PTPRD: variants seen among roughly 807,000 people sequenced by gnomAD.
PTPRD encodes protein tyrosine phosphatase receptor type D.
A neutral mutation model predicts 214.5 loss-of-function variants in PTPRD; 34 were observed. The observed-to-expected ratio is 0.16, with a 90% CI of 0.12 to 0.21. The LOEUF (loss-of-function observed/expected upper bound fraction) is 0.21. PTPRD is among the 10% of genes least tolerant of loss of function. PTPRD has a pLI of 1.00. For synonymous variants in PTPRD, 1,128 were observed against 845.7 expected (o/e 1.33, Z -5.79); for missense variants, 2,545 against 2,398.7 (o/e 1.06, Z -1.27).
intron 2 of PTPRD, among the ~76,000 whole-genome samples, chr9:10,485,188 T>C (rs1369657145): frequency 2.0e-5 from 3 of 152,140 alleles, no homozygotes; most frequent in Admixed American, 6.6e-5. Context: ...TGTAAACTTC[T>C]TTCTGCATTC....
rs141102407 is a variant in PTPRD at position 8,688,514 on chromosome 9, G to A, written c.64+45266C>T. Among the ~76,000 whole-genome samples the A allele has an allele frequency of 2.2e-3, 331 of 149,480 alleles. 2 individuals carry two copies. The highest frequency in any genetic ancestry group is 0.015 in the East Asian group (74 of 5,074). On this transcript the variant is annotated intron_variant, in intron 12 of 45. Transcript: ENST00000381196. ...CAGGAGGCAGAGCTTGCAGTGAGCCGAGATCGCACCACTGCGCTCCAGCCT... is the reference window on the plus strand; with the variant it reads ...CAGGAGGCAGAGCTTGCAGTGAGCCAAGATCGCACCACTGCGCTCCAGCCT...
intron 10 of PTPRD, among the ~76,000 whole-genome samples, chr9:9,182,734 ATT>A (rs1479767954): frequency 2.6e-5 from 4 of 152,160 alleles, no homozygotes; most frequent in South Asian, 4.1e-4. Context: ...AATAGCAAAA[ATT>A]TTGTCACAAA....
chr9:9,179,363 C>T (rs987649487), intron 10 of PTPRD, among the ~76,000 whole-genome samples: 2 of 152,020 alleles, frequency 1.3e-5, no homozygotes, highest in Non-Finnish European at 2.9e-5. Context: ...TTTCCAAATG[C>T]AGACATTTTA....
chr9:9,776,098 C>T (rs554584089), intron 5 of PTPRD, among the ~76,000 whole-genome samples: 29 of 152,222 alleles, frequency 1.9e-4, no homozygotes, highest in African/African-American at 6.3e-4. Context: ...CCTTGCTCAG[C>T]AGTCTTACAT....
chr9:10,198,904 G>A (rs756662314), intron 3 of PTPRD, among the ~76,000 whole-genome samples: 27 of 152,052 alleles, frequency 1.8e-4, no homozygotes, highest in Non-Finnish European at 2.1e-4. Context: ...ATGTTAAAGA[G>A]GCTTAGGGGT....
At position 8,335,106 on chromosome 9, in the gene PTPRD, C is replaced by CAAA. The variant is rs1564031728; in HGVS notation, c.5380-3371_5380-3370insTTT. ...TGGTACCATTCCTTCTGAAACTATT[C>CAAA]CAAACAATACAAAAAGAGGGACTCC... On this transcript the variant is annotated intron_variant, in intron 43 of 45. Transcript: ENST00000381196. 1.1e-4 allele frequency among the ~76,000 whole-genome samples: 16 copies of CAAA among 149,616 alleles called. No homozygotes were observed. In the East Asian group the frequency reaches 2.1e-3, roughly 20 times the overall value.
chr9:9,525,769 A>G (rs1464107112), intron 8 of PTPRD, among the ~76,000 whole-genome samples: 1 of 152,096 alleles, frequency 6.6e-6, no homozygotes, highest in African/African-American at 2.4e-5. Flanking sequence ...TATATACCTA[A>G]TATTAGTAGG....
chr9:10,543,477 T>TACACACACACAC (rs370246328), intron 2 of PTPRD, among the ~76,000 whole-genome samples: 221 of 141,386 alleles, frequency 1.6e-3, no homozygotes, highest in African/African-American at 2.9e-3. Context: ...AATATATATA[T>TACACACACACAC]ATACACACAC....
chr9:8,934,424 T>TATATAA (rs2154287337), intron 11 of PTPRD, among the ~76,000 whole-genome samples: 1 of 30,400 alleles, frequency 3.3e-5, no homozygotes, highest in Admixed American at 7.7e-4. Flanking sequence ...TGTGTGTGTA[T>TATATAA]ATATATATAT....
intron 2 of PTPRD, among the ~76,000 whole-genome samples, chr9:10,372,378 G>C (rs992201772): frequency 6.6e-6 from 1 of 151,926 alleles, no homozygotes; most frequent in African/African-American, 2.4e-5. Flanking sequence ...TATTCCTTTT[G>C]TTCCTGGAAG....
At chr9:9,466,144 T>TA (rs1045282055) in intron 8 of PTPRD, among the ~76,000 whole-genome samples, 5 of 151,684 alleles carry the variant, frequency 3.3e-5, no homozygotes, top group Non-Finnish European at 7.4e-5. Context: ...CTCCTCTATA[T>TA]AAAAAAATAC....
chr9:8,615,246 G>C (rs2095573218), intron 14 of PTPRD, among the ~76,000 whole-genome samples: 1 of 151,958 alleles, frequency 6.6e-6, no homozygotes, highest in Non-Finnish European at 1.5e-5. Flanking sequence ...GGGAGCTGTG[G>C]GAGCCCACGG....
intron 8 of PTPRD, among the ~76,000 whole-genome samples, chr9:9,409,661 T>C (rs2074717671): frequency 1.3e-5 from 2 of 151,906 alleles, no homozygotes; most frequent in African/African-American, 4.8e-5. Flanking sequence ...TAAGGGAGAA[T>C]CAGTAACTAC....
intron 8 of PTPRD, among the ~76,000 whole-genome samples, chr9:9,432,569 A>C (rs1365579783): frequency 6.6e-6 from 1 of 152,194 alleles, no homozygotes; most frequent in Non-Finnish European, 1.5e-5. Flanking sequence ...GCTCTCTCTG[A>C]AGATCTTTTA....
chr9:10,480,532 A>G (rs891763372), intron 2 of PTPRD, among the ~76,000 whole-genome samples: 19 of 152,340 alleles, frequency 1.2e-4, no homozygotes, highest in Middle Eastern at 3.4e-3. Flanking sequence ...GACATTTTTT[A>G]TAAACTTCCG....
intron 3 of PTPRD, among the ~76,000 whole-genome samples, chr9:10,149,620 C>G (rs1259932083): frequency 1.3e-5 from 2 of 152,120 alleles, no homozygotes; most frequent in Non-Finnish European, 2.9e-5. Flanking sequence ...CATTATAGAC[C>G]CAGGCCATGC....
chr9:8,493,876 G>C (rs1470822936), intron 26 of PTPRD, among the ~76,000 whole-genome samples: 1 of 152,032 alleles, frequency 6.6e-6, no homozygotes, highest in Non-Finnish European at 1.5e-5. Context: ...TAAACTGCAG[G>C]TTATGGGATT....
At chr9:8,615,533 A>T (rs2095583522) in intron 14 of PTPRD, among the ~76,000 whole-genome samples, 1 of 152,074 alleles carries the variant, frequency 6.6e-6, no homozygotes, top group Admixed American at 6.6e-5. Flanking sequence ...AAGGTGAATT[A>T]TATGTTTTTA....
chr9:9,582,617 T>G (rs749518122), intron 7 of PTPRD, among the ~76,000 whole-genome samples: 61 of 152,132 alleles, frequency 4.0e-4, no homozygotes, highest in Non-Finnish European at 6.9e-4. Flanking sequence ...GAATTACTTT[T>G]GCGATGATGA....
Sources: gnomAD v4.1 joint callset for allele counts (sites outside exome capture counted in the v4.1 genomes callset) on GRCh38, gnomAD v4.1.1 for gene constraint, MANE v1.5 for transcripts, NCBI Gene and HGNC (gene_info 2026-07-23, HGNC 2026-07-21) for gene names.